RAB38: variants seen among roughly 807,000 people sequenced by gnomAD.
RAB38 encodes the protein RAB38, member RAS oncogene family.
In RAB38, 15 loss-of-function variants were observed where a neutral mutation model predicts 18.4. That is an observed-to-expected ratio of 0.82 (90% CI 0.55 to 1.26). The LOEUF (loss-of-function observed/expected upper bound fraction) is 1.26, where lower values mean the gene tolerates loss of function less well. Among genes scored for constraint, RAB38 ranks in the 50% most tolerant of loss-of-function variants. RAB38 has a pLI of 0.00. For missense variants in RAB38, 294 were observed against 267.4 expected (o/e 1.10, Z -0.69); for synonymous variants, 101 against 104.4 (o/e 0.97, Z 0.20).
the RAB38 span, among the ~76,000 whole-genome samples, chr11:88,008,453 T>G: frequency 1.1e-4 from 16 of 152,112 alleles, no homozygotes; most frequent in Non-Finnish European, 2.2e-4. Context: ...GCCATACACT[T>G]GTTAGAAAAG....
the RAB38 span, among the ~76,000 whole-genome samples, chr11:88,030,926 A>T: frequency 6.6e-6 from 1 of 151,670 alleles, no homozygotes; most frequent in African/African-American, 2.4e-5. Flanking sequence ...ACACAACCAA[A>T]AAAGAGAATT....
At chr11:87,938,500 C>T in the RAB38 span, among the ~76,000 whole-genome samples, 4 of 151,740 alleles carry the variant, frequency 2.6e-5, no homozygotes, top group African/African-American at 7.3e-5. Context: ...TTCCCACTTG[C>T]GTTAACTGCT....
At chr11:87,890,668 C>T in the RAB38 span, among the ~76,000 whole-genome samples, 2 of 151,868 alleles carry the variant, frequency 1.3e-5, no homozygotes, top group South Asian at 2.1e-4. Flanking sequence ...ATAATCGAAA[C>T]TTCCTGCCAC....
chr11:87,846,975 G>T, the RAB38 span, among the ~76,000 whole-genome samples: 2 of 151,784 alleles, frequency 1.3e-5, no homozygotes, highest in Admixed American at 6.6e-5. Context: ...TATTTTAAAC[G>T]AATAATTAAA....
the RAB38 span, among the ~76,000 whole-genome samples, chr11:87,956,671 C>A: frequency 1.3e-5 from 2 of 152,114 alleles, no homozygotes; most frequent in Non-Finnish European, 2.9e-5. Flanking sequence ...GAAAAAGCTA[C>A]AGGAGCTAGA....
the RAB38 span, among the ~76,000 whole-genome samples, chr11:87,951,295 A>C: frequency 2.0e-5 from 3 of 151,342 alleles, no homozygotes; most frequent in Admixed American, 1.3e-4. Context: ...CCATTCTTCT[A>C]ATTTTTTTTT....
chr11:88,146,235 G>A (rs1481199105), intron 2 of RAB38, among the ~76,000 whole-genome samples: 2 of 152,136 alleles, frequency 1.3e-5, no homozygotes, highest in Admixed American at 1.3e-4. Context: ...ATGGAGGCTG[G>A]TTTCAATGAC....
At chr11:87,952,798 C>CTGA in the RAB38 span, among the ~76,000 whole-genome samples, 1 of 152,012 alleles carries the variant, frequency 6.6e-6, no homozygotes, top group Non-Finnish European at 1.5e-5. Context: ...ACATGTTTGT[C>CTGA]TGATTATAAC....
the RAB38 span, among the ~76,000 whole-genome samples, chr11:88,086,481 A>G: frequency 6.6e-6 from 1 of 151,894 alleles, no homozygotes; most frequent in Non-Finnish European, 1.5e-5. Flanking sequence ...AAAGTTTGAC[A>G]ATTGTTTCCT....
chr11:87,946,445 T>A, the RAB38 span, among the ~76,000 whole-genome samples: 1 of 152,114 alleles, frequency 6.6e-6, no homozygotes, highest in Admixed American at 6.6e-5. Flanking sequence ...AACGTGCAGG[T>A]TTGTTACATA....
chr11:88,083,519 ATTGT>A, the RAB38 span, among the ~76,000 whole-genome samples: 1 of 151,866 alleles, frequency 6.6e-6, no homozygotes, highest in Admixed American at 6.6e-5. Flanking sequence ...CAAAACATTT[ATTGT>A]TTATTTCTCC....
chr11:87,950,138 T>G, the RAB38 span, among the ~76,000 whole-genome samples: 1 of 152,212 alleles, frequency 6.6e-6, no homozygotes, highest in Admixed American at 6.5e-5. Flanking sequence ...CCTTTACCAT[T>G]ATGTAATGGC....
At chr11:87,938,912 C>A in the RAB38 span, among the ~76,000 whole-genome samples, 1 of 151,784 alleles carries the variant, frequency 6.6e-6, no homozygotes, top group Non-Finnish European at 1.5e-5. Context: ...TTCAATTGTA[C>A]TTAGTGGGAT....
the RAB38 span, among the ~76,000 whole-genome samples, chr11:87,881,113 G>T: frequency 1.8e-4 from 28 of 151,862 alleles, no homozygotes; most frequent in East Asian, 5.1e-3. Flanking sequence ...TCAAATTGCT[G>T]GGATTAAGTC....
intron 2 of RAB38, among the ~76,000 whole-genome samples, chr11:88,125,686 G>C (rs891878575): frequency 6.6e-6 from 1 of 152,168 alleles, no homozygotes; most frequent in African/African-American, 2.4e-5. Context: ...TCTGATGGTA[G>C]TTTCTTTTGC....
At chr11:88,038,628 C>T in the RAB38 span, among the ~76,000 whole-genome samples, 1 of 152,132 alleles carries the variant, frequency 6.6e-6, no homozygotes, top group African/African-American at 2.4e-5. Context: ...CACAACTTTA[C>T]CTCAATTTTC....
chr11:88,103,285 G>C, the RAB38 span, among the ~76,000 whole-genome samples: 1 of 152,020 alleles, frequency 6.6e-6, no homozygotes, highest in Non-Finnish European at 1.5e-5. Context: ...TAGTGTGTCA[G>C]AGATAAGGCT....
chr11:88,093,651 A>C, the RAB38 span, among the ~76,000 whole-genome samples: 1 of 151,888 alleles, frequency 6.6e-6, no homozygotes, highest in African/African-American at 2.4e-5. Flanking sequence ...ACAGCCAGAA[A>C]GGGCTTTCTA....
chr11:87,909,140 A>G, the RAB38 span, among the ~76,000 whole-genome samples: 1 of 152,024 alleles, frequency 6.6e-6, no homozygotes, highest in South Asian at 2.1e-4. Context: ...CCTGAAATGA[A>G]TCATTTTCTT....
Sources: gnomAD v4.1 joint callset for allele counts (sites outside exome capture counted in the v4.1 genomes callset) on GRCh38, gnomAD v4.1.1 for gene constraint, MANE v1.5 for transcripts, NCBI Gene and HGNC (gene_info 2026-07-23, HGNC 2026-07-21) for gene names.